The following PDPN variants were observed in gnomAD, a reference collection of about 807,000 sequenced individuals.
PDPN encodes the protein PA2.26 antigen.
PDPN carries 12 observed loss-of-function variants against 23.2 expected under a neutral mutation model. The observed-to-expected ratio is 0.52, with a 90% CI of 0.33 to 0.84. The LOEUF (loss-of-function observed/expected upper bound fraction) is 0.84, where lower values mean the gene tolerates loss of function less well. Ranked by LOEUF, PDPN falls within the 40% of genes least tolerant of loss-of-function variation. The probability of loss-of-function intolerance (pLI) is 0.02; values close to 1 mark genes in which losing one functional copy is unlikely to be tolerated. For synonymous variants in PDPN, 77 were observed against 76.7 expected, an observed-to-expected ratio of 1.00 and a Z score of -0.02; for missense variants, 199 against 212.2, an observed-to-expected ratio of 0.94 and a Z score of 0.39.
chr1:13,598,739 G>A (rs1015887444), intron 1 of PDPN, among the ~76,000 whole-genome samples: 2 of 152,070 alleles, frequency 1.3e-5, no homozygotes, highest in Non-Finnish European at 2.9e-5. Flanking sequence ...CCCCATGCTC[G>A]TTCTGGGCTT....
In PDPN at chr1:13,616,055, T is replaced by G. The variant is rs944556178; in HGVS notation, c.*144T>G. On this transcript the variant is annotated 3_prime_UTR_variant, in exon 6 of 6. Transcript: ENST00000621990. ...CAGAATCCACGGTGACCTCTCCGCT[T>G]GCCAAAATAACCGAAGGAAAGACCG... 1.1e-5 allele frequency: 8 copies of G among 742,328 alleles called. No homozygotes were observed. The highest frequency in any genetic ancestry group is 2.4e-5 in the Admixed American group (1 of 42,476). 46.0% of individuals were successfully genotyped at this position (742,328 alleles called of 1,614,324 possible).
rs1018553866 is a variant in PDPN, at chr1:13,616,541, G to A, written c.*630G>A. 6.5e-6 allele frequency: 1 copy of A among 152,792 alleles called. No homozygotes were observed. Among genetic ancestry groups the A allele is most frequent in the African/African-American group, 2.4e-5 (1 of 41,454 alleles). The allele number at this position is 152,792 out of a possible 1,614,324, so 9.5% of individuals were successfully genotyped here. On this transcript the variant is annotated 3_prime_UTR_variant, in exon 6 of 6. Coordinates refer to ENST00000621990, the MANE Select transcript of PDPN (RefSeq NM_006474.5). Reference sequence around the variant, plus strand: ...GACATCCATTTTAGATCACAAGCAGGAAGTCGATAGTCTCAAAGGCACTTT... The same window carrying A: ...GACATCCATTTTAGATCACAAGCAGAAAGTCGATAGTCTCAAAGGCACTTT...
intron 1 of PDPN, among the ~76,000 whole-genome samples, chr1:13,597,831 C>T (rs1250001875): frequency 6.6e-6 from 1 of 151,836 alleles, no homozygotes; most frequent in African/African-American, 2.4e-5. Flanking sequence ...CCCAATTAGC[C>T]AGGCATGGTG....
chr1:13,607,260 C>T lies in PDPN; in HGVS notation c.155C>T (p.Thr52Ile), dbSNP rs1246131703. 6.2e-7 allele frequency: 1 copy of T among 1,614,178 alleles called. No individual in the cohort carries two copies. Among genetic ancestry groups the T allele is most frequent in the Non-Finnish European group, 8.5e-7 (1 of 1,179,992 alleles). The change falls in exon 2 of 6, where the codon ACT (threonine) becomes ATT (isoleucine). Residue 52 changes from threonine to isoleucine, a missense_variant. Transcript: ENST00000621990. The stretch of plus-strand genomic sequence containing the variant: ...CCAGGTGCCGAAGATGATGTGGTGA[C>T]TCCAGGAACCAGCGAAGACCGCTAT... ...AMPGAEDDVV[T>I]PGTSEDRYKS...
At chr1:13,589,844 T>C (rs1389376349) in intron 1 of PDPN, among the ~76,000 whole-genome samples, 1 of 152,194 alleles carries the variant, frequency 6.6e-6, no homozygotes, top group African/African-American at 2.4e-5. Flanking sequence ...GATTGATCGA[T>C]TGAGATGGAG....
At position 13,611,215 on chromosome 1, in the gene PDPN, C is replaced by T. The variant is rs544451628; in HGVS notation, c.331+699C>T. On this transcript the variant is annotated intron_variant, in intron 3 of 5. Transcript: ENST00000621990. ...CAACCTGGGCGACAGTGCGAGAATC[C>T]GTCTCAAAAAAAAAAACAAAACAAA... Among the ~76,000 whole-genome samples the T allele has an allele frequency of 3.8e-5, 5 of 132,040 alleles. No homozygotes were observed. In the East Asian group the frequency reaches 8.2e-4, roughly 22 times the overall value. 86.6% of individuals were successfully genotyped at this position (132,040 alleles called of 152,430 possible).
chr1:13,595,869 C>T (rs1379820316), intron 1 of PDPN: 11 of 1,287,878 alleles, frequency 8.5e-6, no homozygotes, highest in African/African-American at 3.0e-5. Flanking sequence ...TGGTGGACAG[C>T]GGCAGGGACA....
At chr1:13,589,695 A>C (rs551909962) in intron 1 of PDPN, among the ~76,000 whole-genome samples, 1 of 152,292 alleles carries the variant, frequency 6.6e-6, no homozygotes, top group East Asian at 1.9e-4. Flanking sequence ...CCACACCCCT[A>C]ACCACTTAGC....
At chr1:13,599,698 C>T (rs1007217423) in intron 1 of PDPN, among the ~76,000 whole-genome samples, 9 of 151,922 alleles carry the variant, frequency 5.9e-5, no homozygotes, top group African/African-American at 2.2e-4. Context: ...TTATGGTGAC[C>T]CCACCCCACT....
chr1:13,610,051 C>T (rs945453020), intron 2 of PDPN, among the ~76,000 whole-genome samples: 5 of 152,096 alleles, frequency 3.3e-5, no homozygotes, highest in African/African-American at 7.2e-5. Context: ...GCAACAAGAG[C>T]GAAACTCCAT....
At chr1:13,603,033 T>A (rs1165499689) in intron 1 of PDPN, among the ~76,000 whole-genome samples, 11 of 146,820 alleles carry the variant, frequency 7.5e-5, no homozygotes, top group Admixed American at 2.7e-4. Flanking sequence ...TATATATATA[T>A]AAAAATAAAA....
chr1:13,593,875 A>G (rs957089777), intron 1 of PDPN, among the ~76,000 whole-genome samples: 2 of 152,198 alleles, frequency 1.3e-5, no homozygotes, highest in African/African-American at 4.8e-5. Flanking sequence ...TGTTCGTGAC[A>G]CCAGCCCTAG....
intron 1 of PDPN, among the ~76,000 whole-genome samples, chr1:13,597,868 G>A (rs1470719768): frequency 3.9e-5 from 6 of 151,930 alleles, no homozygotes; most frequent in East Asian, 2.0e-4. Flanking sequence ...CCAGCTACTC[G>A]AGAGGCTAAG....
upstream of PDPN, chr1:13,583,823 A>G (rs564395708): frequency 1.3e-5 from 20 of 1,552,296 alleles, no homozygotes; most frequent in South Asian, 2.3e-4. Flanking sequence ...CTCCGCTCGG[A>G]AAGTTCTCAA....
intron 5 of PDPN, chr1:13,614,790 A>G (rs1043616574): frequency 3.9e-6 from 2 of 510,088 alleles, no homozygotes; most frequent in Non-Finnish European, 7.8e-6. Context: ...GTGTCTCTTA[A>G]AAATAAGAAA....
Position 13,610,370 on chromosome 1 carries a change from A to G in PDPN, c.202-17A>G. ...TAGGCTTTATTTCCTGTTTTTCCTC[A>G]TTTACACCTACAATAGGTGGCAACA... On this transcript the variant is annotated splice_polypyrimidine_tract_variant and intron_variant, in intron 2 of 5. Coordinates refer to ENST00000621990, the MANE Select transcript of PDPN (RefSeq NM_006474.5). The G allele has an allele frequency of 6.8e-6, 11 of 1,609,264 alleles. No homozygotes were observed. Among genetic ancestry groups the G allele is most frequent in the Non-Finnish European group, 9.3e-6 (11 of 1,177,016 alleles).
chr1:13,593,323 AC>A (rs1234670242), intron 1 of PDPN, among the ~76,000 whole-genome samples: 1 of 152,140 alleles, frequency 6.6e-6, no homozygotes, highest in African/African-American at 2.4e-5. Context: ...ATAGTAAGAC[AC>A]CCAATTTGAT....
At position 13,616,162 on chromosome 1, in the gene PDPN, C is replaced by T; in HGVS notation, c.*251C>T. 1 of 549,054 alleles carries T rather than the reference C, an allele frequency of 1.8e-6. No homozygotes were observed. The highest frequency in any genetic ancestry group is 3.2e-6 in the Non-Finnish European group (1 of 309,122). 34.0% of individuals were successfully genotyped at this position (549,054 alleles called of 1,614,324 possible). A position where few individuals can be genotyped will look rare whatever the true frequency, so the allele number is the denominator to read the frequency against. ...ATTCTATAAAAGATTATTTGAAAGA[C>T]AAAATTCATAGAAAATGGAGCAAAA... On this transcript the variant is annotated 3_prime_UTR_variant, in exon 6 of 6. Coordinates refer to ENST00000621990, the MANE Select transcript of PDPN (RefSeq NM_006474.5).
At chr1:13,614,755 C>T (rs1037956354) in intron 5 of PDPN, 23 of 477,428 alleles carry the variant, frequency 4.8e-5, no homozygotes, top group Non-Finnish European at 8.7e-5. Context: ...CCACTGCACT[C>T]CAGCCTGGGT....
Sources: gnomAD v4.1 joint callset for allele counts (sites outside exome capture counted in the v4.1 genomes callset) on GRCh38, gnomAD v4.1.1 for gene constraint, MANE v1.5 for transcripts, NCBI Gene and HGNC (gene_info 2026-07-23, HGNC 2026-07-21) for gene names.